Variants in TRPS1 observed in about 807,000 individuals in gnomAD.
The protein encoded by TRPS1 is transcriptional repressor GATA binding 1, also known as zinc finger transcription factor Trps1.
A neutral mutation model predicts 101.2 loss-of-function variants in TRPS1; 6 were observed. The ratio of observed to expected loss-of-function variants is 0.06; its 90% confidence interval spans 0.03 to 0.12. The LOEUF (loss-of-function observed/expected upper bound fraction) is 0.12. Among genes scored for constraint, TRPS1 ranks in the 10% least tolerant of loss-of-function variants. TRPS1 has a pLI of 1.00. For missense variants in TRPS1, 1,363 were observed against 1,567.0 expected (o/e 0.87, Z 2.20); for synonymous variants, 578 against 589.8 (o/e 0.98, Z 0.29).
intron 1 of TRPS1, among the ~76,000 whole-genome samples, chr8:115,640,304 T>C (rs1339834171): frequency 6.6e-6 from 1 of 152,218 alleles, no homozygotes; most frequent in Non-Finnish European, 1.5e-5. Context: ...AGGTTCATTA[T>C]GGGAATGATA....
intron 5 of TRPS1, among the ~76,000 whole-genome samples, chr8:115,579,923 AAAC>A (rs1352266848): frequency 6.6e-6 from 1 of 152,120 alleles, no homozygotes; most frequent in African/African-American, 2.4e-5. Flanking sequence ...CATCAGAAAA[AAAC>A]AAAACTAAGA....
Position 115,413,037 on chromosome 8 carries a change from T to C in TRPS1, c.*986A>G, listed in dbSNP as rs1812825705. 6.6e-6 allele frequency: 1 copy of C among 152,472 alleles called. No individual in the cohort carries two copies. The highest frequency in any genetic ancestry group is 1.5e-5 in the Non-Finnish European group (1 of 67,996). The allele number at this position is 152,472 out of a possible 1,614,324, so 9.4% of individuals were successfully genotyped here. A position where few individuals can be genotyped will look rare whatever the true frequency, so the allele number is the denominator to read the frequency against. On this transcript the variant is annotated 3_prime_UTR_variant, in exon 7 of 7. Coordinates refer to ENST00000395715, the MANE Select transcript of TRPS1 (RefSeq NM_014112.5). ...AAAGAAAATAAATAAATACAGCAGG[T>C]TACCTTGTGAAGAAATGCCATGTGT...
At chr8:115,416,566 A>T (rs960817150) in intron 6 of TRPS1, among the ~76,000 whole-genome samples, 5 of 148,560 alleles carry the variant, frequency 3.4e-5, no homozygotes, top group Non-Finnish European at 6.0e-5. Flanking sequence ...TAAACATGTT[A>T]TAATAATATA....
intron 5 of TRPS1, among the ~76,000 whole-genome samples, chr8:115,543,193 T>C (rs1816493733): frequency 6.6e-6 from 1 of 152,162 alleles, no homozygotes. Context: ...ATCCTCACTA[T>C]CACTGTTATA....
At chr8:115,426,259 C>G (rs1385177013) in intron 5 of TRPS1, among the ~76,000 whole-genome samples, 2 of 152,088 alleles carry the variant, frequency 1.3e-5, no homozygotes, top group Admixed American at 1.3e-4. Context: ...TTCAGTGTGA[C>G]AGCACAAGAG....
At chr8:115,483,255 G>A (rs1388217836) in intron 5 of TRPS1, among the ~76,000 whole-genome samples, 1 of 152,106 alleles carries the variant, frequency 6.6e-6, no homozygotes, top group Non-Finnish European at 1.5e-5. Flanking sequence ...ATTCTAGGCT[G>A]AGCACGGTGT....
At chr8:115,567,410 T>C (rs1475332566) in intron 5 of TRPS1, among the ~76,000 whole-genome samples, 4 of 152,120 alleles carry the variant, frequency 2.6e-5, no homozygotes, top group Admixed American at 6.6e-5. Context: ...TGGGGAAATC[T>C]GGCATTACCT....
At position 115,527,861 on chromosome 8, in the gene TRPS1, T is replaced by C. The variant is rs192828793; in HGVS notation, c.2700+59140A>G. 3.3e-5 allele frequency among the ~76,000 whole-genome samples: 5 copies of C among 152,252 alleles called. No homozygotes were observed. The East Asian group carries it at 9.6e-4, about 29-fold the overall frequency. ...TAAAAATCGAACGGTCATGGTTATC[T>C]ATTCTCAAAGTGTCAGAATCTGAGT... On this transcript the variant is annotated intron_variant, in intron 5 of 6. Coordinates refer to ENST00000395715, the MANE Select transcript of TRPS1 (RefSeq NM_014112.5).
rs1253321819 is a variant in TRPS1, at chr8:115,660,663, CTTCT to C, written c.-122+7878_-122+7881del. Among the ~76,000 whole-genome samples the C allele has an allele frequency of 4.0e-5, 6 of 151,584 alleles. No individual in the cohort carries two copies. In the East Asian group the frequency reaches 1.2e-3, roughly 29 times the overall value. The stretch of plus-strand genomic sequence containing the variant: ...TAAACTGTAAATACTTGTATATTTC[CTTCT>C]AACACTATCTAGTATATTAGACAAA... On this transcript the variant is annotated intron_variant, in intron 1 of 6. Transcript: ENST00000395715.
At chr8:115,605,276 A>C (rs1382255509) in intron 3 of TRPS1, among the ~76,000 whole-genome samples, 1 of 152,222 alleles carries the variant, frequency 6.6e-6, no homozygotes, top group African/African-American at 2.4e-5. Context: ...AAGACTTAAT[A>C]ATACATTTTT....
At chr8:115,631,092 A>G (rs1265772737) in intron 1 of TRPS1, among the ~76,000 whole-genome samples, 1 of 152,008 alleles carries the variant, frequency 6.6e-6, no homozygotes, top group African/African-American at 2.4e-5. Flanking sequence ...ACACATCACC[A>G]ACATTACCAA....
At chr8:115,463,662 T>A (rs1177739674) in intron 5 of TRPS1, among the ~76,000 whole-genome samples, 2 of 152,320 alleles carry the variant, frequency 1.3e-5, no homozygotes, top group East Asian at 3.9e-4. Context: ...ATTTCAAGTA[T>A]TTCATTGATT....
At chr8:115,597,188 G>A (rs918559267) in intron 4 of TRPS1, among the ~76,000 whole-genome samples, 2 of 151,906 alleles carry the variant, frequency 1.3e-5, no homozygotes, top group East Asian at 1.9e-4. Context: ...AAATTATGTA[G>A]TCACTGGGAA....
intron 3 of TRPS1, among the ~76,000 whole-genome samples, chr8:115,615,494 G>T (rs986033935): frequency 4.6e-5 from 7 of 152,216 alleles, no homozygotes; most frequent in African/African-American, 1.7e-4. Flanking sequence ...AGCTAGCAGG[G>T]CGCGGTGGCT....
At chr8:115,537,848 C>T (rs1184220839) in intron 5 of TRPS1, among the ~76,000 whole-genome samples, 1 of 152,140 alleles carries the variant, frequency 6.6e-6, no homozygotes, top group Non-Finnish European at 1.5e-5. Context: ...AATTTGCTCC[C>T]GGTTTAATCT....
At chr8:115,634,235 T>C (rs1818716116) in intron 1 of TRPS1, among the ~76,000 whole-genome samples, 1 of 152,304 alleles carries the variant, frequency 6.6e-6, no homozygotes, top group Admixed American at 6.5e-5. Flanking sequence ...AGTCCAAGAC[T>C]ACAGTCACCT....
intron 3 of TRPS1, among the ~76,000 whole-genome samples, chr8:115,611,946 A>G (rs1022212150): frequency 6.6e-6 from 1 of 152,242 alleles, no homozygotes; most frequent in Non-Finnish European, 1.5e-5. Flanking sequence ...ATAAGCAAGT[A>G]TAATTAGATG....
At chr8:115,433,920 T>TA (rs771327924) in intron 5 of TRPS1, among the ~76,000 whole-genome samples, 15 of 152,160 alleles carry the variant, frequency 9.9e-5, no homozygotes, top group Admixed American at 2.6e-4. Flanking sequence ...TTTTCAACTT[T>TA]AAAAGAAAGC....
Position 115,414,326 on chromosome 8 carries a change from G to A in TRPS1, c.3582C>T (p.Ser1194=). The part of the protein sequence containing the change: ...SRPGPTANGA[S]KEKTKAPPNV... The stretch of plus-strand genomic sequence containing the variant: ...TTGGTGGTGCCTTCGTTTTCTCCTT[G>A]GAGGCACCGTTTGCAGTTGGCCCAG... Residue 1194 remains serine, a synonymous_variant, in exon 7 of 7, where the codon TCC becomes TCT. Coordinates refer to ENST00000395715, the MANE Select transcript of TRPS1 (RefSeq NM_014112.5). This position sits in a 1 kb window ranked among gnomAD's most constrained non-coding sequence, Gnocchi z 4.8. The A allele has an allele frequency of 6.2e-7, 1 of 1,613,890 alleles. No homozygotes were observed. Among genetic ancestry groups the A allele is most frequent in the South Asian group, 1.1e-5 (1 of 91,068 alleles).
Sources: gnomAD v4.1 joint callset for allele counts (sites outside exome capture counted in the v4.1 genomes callset) on GRCh38, gnomAD v4.1.1 for gene constraint, Gnocchi (gnomAD v3.1) non-coding constraint, MANE v1.5 for transcripts, NCBI Gene and HGNC (gene_info 2026-07-23, HGNC 2026-07-21) for gene names.